The following HTR4 variants were observed in gnomAD, a reference collection of about 807,000 sequenced individuals.
HTR4 encodes 5-hydroxytryptamine (serotonin) receptor 4, G protein-coupled.
A neutral mutation model predicts 36.8 loss-of-function variants in HTR4; 16 were observed. The observed-to-expected ratio is 0.43, with a 90% CI of 0.29 to 0.66. The LOEUF (loss-of-function observed/expected upper bound fraction) is 0.66. Ranked by LOEUF, HTR4 falls within the 30% of genes least tolerant of loss-of-function variation. HTR4 has a pLI of 0.13. For missense variants in HTR4, 438 were observed against 490.9 expected (o/e 0.89, Z 1.02); for synonymous variants, 189 against 185.1 (o/e 1.02, Z -0.17).
At chr5:148,644,647 G>A (rs1431953005) in intron 1 of HTR4, 3 of 152,040 alleles carry the variant, frequency 2.0e-5, no homozygotes, top group Non-Finnish European at 4.4e-5. Context: ...GAAGCTTTGG[G>A]AAATGGTGTA....
intron 5 of HTR4, among the ~76,000 whole-genome samples, chr5:148,522,277 CT>C (rs1202519253): frequency 2.0e-5 from 3 of 152,074 alleles, no homozygotes; most frequent in African/African-American, 7.2e-5. Context: ...TAAAAATGGA[CT>C]AGTACATCAG....
At chr5:148,511,000 C>T (rs1306829226) in intron 5 of HTR4, among the ~76,000 whole-genome samples, 1 of 152,200 alleles carries the variant, frequency 6.6e-6, no homozygotes. Context: ...AATGCTTCAA[C>T]TTACTCTCCT....
intron 2 of HTR4, among the ~76,000 whole-genome samples, chr5:148,559,201 A>G (rs1452569565): frequency 6.6e-6 from 1 of 152,192 alleles, no homozygotes; most frequent in Non-Finnish European, 1.5e-5. Context: ...GAAAAGATCA[A>G]AATTCAATAT....
intron 5 of HTR4, among the ~76,000 whole-genome samples, chr5:148,471,405 C>A (rs750544514): frequency 1.7e-4 from 26 of 152,100 alleles, no homozygotes; most frequent in Non-Finnish European, 3.5e-4. Context: ...TTCCCAGACT[C>A]TTCTGTATTT....
chr5:148,554,965 G>A (rs1211174624), intron 2 of HTR4, among the ~76,000 whole-genome samples: 1 of 151,996 alleles, frequency 6.6e-6, no homozygotes, highest in African/African-American at 2.4e-5. Flanking sequence ...CGATGTTGCT[G>A]CAAAGGACAT....
At chr5:148,634,185 G>A (rs958808295) in intron 2 of HTR4, among the ~76,000 whole-genome samples, 1 of 152,120 alleles carries the variant, frequency 6.6e-6, no homozygotes, top group African/African-American at 2.4e-5. Context: ...TCTAGAGCTT[G>A]TGGAAGTCTA....
At position 148,482,854 on chromosome 5, in the gene HTR4, A is replaced by T. The variant is rs199675280; in HGVS notation, c.*349T>A. The T allele has an allele frequency of 1.8e-6, 2 of 1,142,232 alleles. No individual in the cohort carries two copies. Among genetic ancestry groups the T allele is most frequent in the African/African-American group, 1.6e-5 (1 of 63,638 alleles). The allele number at this position is 1,142,232 out of a possible 1,614,324, so 70.8% of individuals were successfully genotyped here. On this transcript the variant is annotated 3_prime_UTR_variant, in exon 7 of 7. Coordinates refer to ENST00000377888, the MANE Select transcript of HTR4 (RefSeq NM_000870.7). ...ATTTGGAGACATCAGTGACCGAGAT[A>T]GGACGCAGCAAGCTATCGTGCTTAG...
At chr5:148,611,508 A>G (rs1168046142) in intron 2 of HTR4, among the ~76,000 whole-genome samples, 6 of 133,338 alleles carry the variant, frequency 4.5e-5, no homozygotes, top group Non-Finnish European at 9.6e-5. Flanking sequence ...GGCCTGCCCT[A>G]AAAGAGCTCC....
chr5:148,623,365 T>C (rs1752981653), intron 2 of HTR4, among the ~76,000 whole-genome samples: 1 of 151,868 alleles, frequency 6.6e-6, no homozygotes, highest in African/African-American at 2.4e-5. Flanking sequence ...AGACAGACAA[T>C]GCCTGCTCTG....
intron 4 of HTR4, among the ~76,000 whole-genome samples, chr5:148,526,081 A>C (rs951189156): frequency 2.0e-5 from 3 of 152,198 alleles, no homozygotes; most frequent in African/African-American, 7.2e-5. Context: ...CAAGTTCCAG[A>C]GGGATAATCG....
rs114044298 is a variant in HTR4 at position 148,593,268 on chromosome 5, G to A, written c.27-43006C>T. Reference sequence around the variant, plus strand: ...TCAGAGGAGTATCAAGTTTTCTTCCGGCAGGAGACCTGCCAGGGCAAATTT... The same window carrying A: ...TCAGAGGAGTATCAAGTTTTCTTCCAGCAGGAGACCTGCCAGGGCAAATTT... On this transcript the variant is annotated intron_variant, in intron 2 of 6. Coordinates refer to ENST00000377888, the MANE Select transcript of HTR4 (RefSeq NM_000870.7). Among the ~76,000 whole-genome samples the A allele has an allele frequency of 1.5e-3, 233 of 152,162 alleles. 2 individuals are homozygous for A. Among genetic ancestry groups the A allele is most frequent in the African/African-American group, 5.1e-3 (213 of 41,514 alleles).
rs1347787957 is a variant in HTR4, at chr5:148,628,124, T to C, written c.26+8865A>G. Among the ~76,000 whole-genome samples the C allele has an allele frequency of 2.6e-5, 4 of 152,316 alleles. No individual in the cohort carries two copies. In the East Asian group the frequency reaches 7.7e-4, roughly 29 times the overall value. On this transcript the variant is annotated intron_variant, in intron 2 of 6. Coordinates refer to ENST00000377888, the MANE Select transcript of HTR4 (RefSeq NM_000870.7). ...TTTTTAAAACCCTGGACAGGCCAAATGAACATATCTGCTAGGCCTTCAGTT... is the reference window on the plus strand; with the variant it reads ...TTTTTAAAACCCTGGACAGGCCAAACGAACATATCTGCTAGGCCTTCAGTT...
At chr5:148,549,908 A>T (rs1050078023) in intron 3 of HTR4, among the ~76,000 whole-genome samples, 13 of 152,208 alleles carry the variant, frequency 8.5e-5, no homozygotes, top group African/African-American at 2.7e-4. Flanking sequence ...AACACATTTG[A>T]CAAAGAAAAA....
chr5:148,512,369 T>C (rs58710455), intron 5 of HTR4, among the ~76,000 whole-genome samples: 5,297 of 152,340 alleles, frequency 0.035, 116 homozygotes, highest in African/African-American at 0.056. Context: ...ATCACTGTTT[T>C]GCCCTTTCGA....
intron 2 of HTR4, among the ~76,000 whole-genome samples, chr5:148,579,848 C>A (rs35805185): frequency 6.6e-6 from 1 of 151,920 alleles, no homozygotes; most frequent in African/African-American, 2.4e-5. Flanking sequence ...AAATTCACAT[C>A]GCTGATTTCT....
intron 2 of HTR4, among the ~76,000 whole-genome samples, chr5:148,611,414 A>G (rs1322963978): frequency 6.8e-6 from 1 of 146,640 alleles, no homozygotes; most frequent in Non-Finnish European, 1.5e-5. Flanking sequence ...AGAATTTCAT[A>G]TCCAGCCAAA....
At chr5:148,521,509 T>C (rs2113794044) in intron 5 of HTR4, among the ~76,000 whole-genome samples, 1 of 151,950 alleles carries the variant, frequency 6.6e-6, no homozygotes, top group East Asian at 1.9e-4. Flanking sequence ...TCCTGGGCTC[T>C]AGTGTGCCGG....
At chr5:148,564,127 T>C (rs1357779142) in intron 2 of HTR4, among the ~76,000 whole-genome samples, 1 of 152,214 alleles carries the variant, frequency 6.6e-6, no homozygotes, top group Admixed American at 6.5e-5. Context: ...TGACCTGGTT[T>C]AAACTGGTCC....
At chr5:148,571,831 T>A (rs1382997920) in intron 2 of HTR4, among the ~76,000 whole-genome samples, 1 of 152,046 alleles carries the variant, frequency 6.6e-6, no homozygotes, top group Non-Finnish European at 1.5e-5. Flanking sequence ...ATTAGAAAGA[T>A]CTGCTCCAGC....
Sources: gnomAD v4.1 joint callset for allele counts (sites outside exome capture counted in the v4.1 genomes callset) on GRCh38, gnomAD v4.1.1 for gene constraint, MANE v1.5 for transcripts, NCBI Gene and HGNC (gene_info 2026-07-23, HGNC 2026-07-21) for gene names.